Variants in ATRNL1 observed in about 807,000 individuals in gnomAD.
ATRNL1 encodes attractin like 1, also known as attractin-like protein 1.
A neutral mutation model predicts 182.7 loss-of-function variants in ATRNL1; 95 were observed. The ratio of observed to expected loss-of-function variants is 0.52; its 90% CI spans 0.44 to 0.62. ATRNL1 has a LOEUF of 0.62. Among genes scored for constraint, ATRNL1 ranks in the 20% least tolerant of loss-of-function variants. The probability of loss-of-function intolerance (pLI) is 0.00; values close to 1 mark genes in which losing one functional copy is unlikely to be tolerated. For synonymous variants in ATRNL1, 576 were observed against 568.3 expected (o/e 1.01, Z -0.19); for missense variants, 1,471 against 1,679.5 (o/e 0.88, Z 2.17).
At chr10:115,165,722 C>T (rs1249092796) in intron 7 of ATRNL1, 77 bp downstream of exon 7, 1 of 701,800 alleles carries the variant, frequency 1.4e-6, no homozygotes, top group Non-Finnish European at 2.3e-6. Context: ...TACTAAATCT[C>T]AGATTTATTT....
chr10:115,766,982 A>G (rs1415345866), intron 27 of ATRNL1, among the ~76,000 whole-genome samples: 1 of 152,184 alleles, frequency 6.6e-6, no homozygotes, highest in African/African-American at 2.4e-5. Flanking sequence ...TGCTCTCTCT[A>G]CATCACTGAG....
At chr10:115,608,338 TG>T (rs1404311269) in intron 26 of ATRNL1, among the ~76,000 whole-genome samples, 1 of 152,046 alleles carries the variant, frequency 6.6e-6, no homozygotes, top group Non-Finnish European at 1.5e-5. Flanking sequence ...ATCTGAACTC[TG>T]GTGTTAAAAA....
chr10:115,536,352 G>C (rs576472675), intron 25 of ATRNL1, among the ~76,000 whole-genome samples: 8 of 152,326 alleles, frequency 5.3e-5, no homozygotes, highest in Middle Eastern at 6.8e-3. Context: ...TTGCCTAGCA[G>C]TTTGATCTCA....
chr10:115,842,109 C>T (rs1950823274), intron 27 of ATRNL1, among the ~76,000 whole-genome samples: 1 of 129,844 alleles, frequency 7.7e-6, no homozygotes, highest in African/African-American at 2.5e-5. Context: ...TAGTTGTTTG[C>T]ATTTTTAATA....
chr10:115,804,950 G>A (rs1391550984), intron 27 of ATRNL1, among the ~76,000 whole-genome samples: 2 of 152,106 alleles, frequency 1.3e-5, no homozygotes, highest in Admixed American at 6.5e-5. Flanking sequence ...CAACATTTTC[G>A]TTAAGTCTAA....
At chr10:115,621,409 A>G (rs1205801051) in intron 26 of ATRNL1, among the ~76,000 whole-genome samples, 1 of 151,326 alleles carries the variant, frequency 6.6e-6, no homozygotes, top group African/African-American at 2.4e-5. Context: ...GGCTCAGGGA[A>G]TCCTCCTTCA....
chr10:115,771,373 G>A (rs556404916), intron 27 of ATRNL1, among the ~76,000 whole-genome samples: 1 of 151,952 alleles, frequency 6.6e-6, no homozygotes, highest in African/African-American at 2.4e-5. Flanking sequence ...TGGGACTACA[G>A]GCGCCCGCCA....
At chr10:115,940,067 A>G (rs941364078) in intron 28 of ATRNL1, among the ~76,000 whole-genome samples, 13 of 152,186 alleles carry the variant, frequency 8.5e-5, no homozygotes, top group Non-Finnish European at 1.5e-5. Context: ...TTGCTATAGC[A>G]AGGGAGTCAG....
rs1845882571 is a variant in ATRNL1, at chr10:115,426,272, G to A, written c.3292G>A (p.Val1098Ile). The A allele has an allele frequency of 1.2e-6, 2 of 1,612,354 alleles. No individual in the cohort carries two copies. The highest frequency in any genetic ancestry group is 2.2e-5 in the East Asian group (1 of 44,654). The change falls in exon 21 of 29, where the codon GTT becomes ATT. Residue 1098 changes from valine (V) to isoleucine (I), a missense_variant. By Grantham distance (29) the Val-to-Ile change is conservative. Coordinates refer to ENST00000355044, the MANE Select transcript of ATRNL1 (RefSeq NM_207303.4). ...CQLCDSENRY[V>I]GNPLRGTCYY... is the part of the protein sequence containing the mutation. ...CAGATGTGACTCTGAAAATCGCTAT[G>A]TTGGTAATCCACTTAGAGGAACATG...
intron 27 of ATRNL1, among the ~76,000 whole-genome samples, chr10:115,767,136 G>A (rs980894046): frequency 2.0e-5 from 3 of 152,036 alleles, no homozygotes; most frequent in South Asian, 2.1e-4. Flanking sequence ...GTGCTTCTGC[G>A]ATCACCTCAA....
chr10:115,888,304 G>A (rs538421117), intron 28 of ATRNL1, among the ~76,000 whole-genome samples: 3 of 152,168 alleles, frequency 2.0e-5, no homozygotes, highest in South Asian at 4.1e-4. Context: ...ATTCCCCTGC[G>A]TTTTTATCAC....
At chr10:115,634,693 T>G (rs1176286073) in intron 26 of ATRNL1, among the ~76,000 whole-genome samples, 1 of 152,162 alleles carries the variant, frequency 6.6e-6, no homozygotes, top group Non-Finnish European at 1.5e-5. Flanking sequence ...ATATTTAAAA[T>G]ATTTATATGA....
intron 26 of ATRNL1, among the ~76,000 whole-genome samples, chr10:115,560,769 A>G (rs782033756): frequency 3.2e-4 from 49 of 151,640 alleles, no homozygotes; most frequent in Non-Finnish European, 5.8e-4. Flanking sequence ...ATGCAAGTAT[A>G]GTAATCAAGA....
chr10:115,171,093 T>C lies in ATRNL1; in HGVS notation c.1149T>C (p.Asp383=). Residue 383 remains aspartate, a synonymous_variant, in exon 8 of 29, where the codon GAT becomes GAC. Transcript: ENST00000355044. ...RIETNDGNVT[D]ELWVFNIHSQ... Reference sequence around the variant, plus strand: ...AAACAAATGATGGCAATGTCACAGATGAATTATGGGTTTTTAACATACATA... The same window carrying C: ...AAACAAATGATGGCAATGTCACAGACGAATTATGGGTTTTTAACATACATA... The C allele has an allele frequency of 6.3e-7, 1 of 1,591,522 alleles. No individual in the cohort carries two copies. The highest frequency in any genetic ancestry group is 1.3e-5 in the African/African-American group (1 of 74,718).
At chr10:115,819,083 C>T (rs1232355504) in intron 27 of ATRNL1, among the ~76,000 whole-genome samples, 5 of 152,000 alleles carry the variant, frequency 3.3e-5, no homozygotes, top group African/African-American at 1.2e-4. Flanking sequence ...GCTCAGGCAT[C>T]CCTCCTAGGC....
At chr10:115,245,139 T>C (rs1554903749) in intron 10 of ATRNL1, among the ~76,000 whole-genome samples, 1 of 152,212 alleles carries the variant, frequency 6.6e-6, no homozygotes, top group Non-Finnish European at 1.5e-5. Flanking sequence ...AATGGTAGTA[T>C]ATAATAATGT....
chr10:115,449,804 GCAT>G (rs1234459381), intron 21 of ATRNL1, among the ~76,000 whole-genome samples: 5 of 152,134 alleles, frequency 3.3e-5, no homozygotes, highest in Admixed American at 1.3e-4. Flanking sequence ...TTCAATGCCA[GCAT>G]CATCCTCATA....
intron 9 of ATRNL1, among the ~76,000 whole-genome samples, chr10:115,240,736 C>T (rs1344854404): frequency 6.6e-6 from 1 of 151,938 alleles, no homozygotes; most frequent in Non-Finnish European, 1.5e-5. Context: ...TATTGTCATG[C>T]ACCTTTACTA....
At chr10:115,298,610 G>A (rs1194971414) in intron 15 of ATRNL1, among the ~76,000 whole-genome samples, 1 of 151,946 alleles carries the variant, frequency 6.6e-6, no homozygotes, top group Non-Finnish European at 1.5e-5. Context: ...GAATGTTTTA[G>A]GTTTTTGCTT....
Sources: gnomAD v4.1 joint callset for allele counts (sites outside exome capture counted in the v4.1 genomes callset) on GRCh38, gnomAD v4.1.1 for gene constraint, MANE v1.5 for transcripts, NCBI Gene and HGNC (gene_info 2026-07-23, HGNC 2026-07-21) for gene names.